The following SH2B3 variants were observed in gnomAD, a reference collection of about 807,000 sequenced individuals.
SH2B3 encodes SH2B adaptor protein 3, also known as SH2B adapter protein 3.
SH2B3 carries 43 observed loss-of-function variants against 51.9 expected under a neutral mutation model. That is an observed-to-expected ratio of 0.83 (90% CI 0.65 to 1.07). SH2B3 has a LOEUF of 1.07. Ranked by LOEUF, SH2B3 falls within the 50% of genes least tolerant of loss-of-function variation. The pLI is 0.00. For synonymous variants in SH2B3, 396 were observed against 376.0 expected (o/e 1.05, Z -0.62); for missense variants, 952 against 834.3 (o/e 1.14, Z -1.74).
chr12:111,420,367 CAAAAAAAAAAAA>C (rs59301682), intron 2 of SH2B3, among the ~76,000 whole-genome samples: 15 of 64,476 alleles, frequency 2.3e-4, no homozygotes, highest in Admixed American at 1.8e-4. Context: ...GACCCTGTCT[CAAAAAAAAAAAA>C]AAAAAAAAAA....
At chr12:111,411,964 AG>A (rs1369441686) in intron 1 of SH2B3, among the ~76,000 whole-genome samples, 1 of 152,034 alleles carries the variant, frequency 6.6e-6, no homozygotes, top group African/African-American at 2.4e-5. Flanking sequence ...CCTGGGTGCT[AG>A]GGCCCCTCTG....
chr12:111,438,793 G>A lies in SH2B3; in HGVS notation c.733-7960G>A, dbSNP rs1873126033. ...GGAGATGACACTTTGAAAAGCAGTC[G>A]TATTTGTGAAGCTGTGGGGGGAGCT... On this transcript the variant is annotated intron_variant, in intron 2 of 7. Coordinates refer to ENST00000341259, the MANE Select transcript of SH2B3 (RefSeq NM_005475.3). The surrounding 1 kb of genome is among the most constrained non-coding windows in gnomAD (Gnocchi z 4.2). Among the ~76,000 whole-genome samples, 1 of 152,178 alleles carries A rather than the reference G, an allele frequency of 6.6e-6. No individual in the cohort carries two copies. Among genetic ancestry groups the A allele is most frequent in the African/African-American group, 2.4e-5 (1 of 41,438 alleles).
chr12:111,442,519 G>T lies in SH2B3; in HGVS notation c.733-4234G>T, dbSNP rs544520248. 3.1e-4 allele frequency among the ~76,000 whole-genome samples: 47 copies of T among 152,312 alleles called. No homozygotes were observed. In the East Asian group the frequency reaches 7.0e-3, roughly 23 times the overall value. On this transcript the variant is annotated intron_variant, in intron 2 of 7. Transcript: ENST00000341259. Reference sequence around the variant, plus strand: ...GGCTCTGGGGAAGGTAAGACCACCAGGGAGCTAGTGTGGCCTGGGGGTTCC... The same window carrying T: ...GGCTCTGGGGAAGGTAAGACCACCATGGAGCTAGTGTGGCCTGGGGGTTCC...
At chr12:111,446,514 A>G (rs1433158295) in intron 2 of SH2B3, among the ~76,000 whole-genome samples, 2 of 152,156 alleles carry the variant, frequency 1.3e-5, no homozygotes, top group Non-Finnish European at 2.9e-5. Context: ...TCCAGGTCCA[A>G]TGGGCTGGGA....
chr12:111,418,726 A>G lies in SH2B3; in HGVS notation c.581A>G (p.Glu194Gly). 1 of 1,484,802 alleles carries G rather than the reference A, an allele frequency of 6.7e-7. No homozygotes were observed. The highest frequency in any genetic ancestry group is 8.9e-7 in the Non-Finnish European group (1 of 1,125,014). The allele number at this position is 1,484,802 out of a possible 1,614,324, so 92.0% of individuals were successfully genotyped here. ...AGCCTGGCCCGGGAGCCGCCACCCG[A>G]GGCGCTGAAGGAGGCGGTGCTGCGC... ...PWSLAREPPP[E>G]ALKEAVLRYS... Residue 194 changes from glutamate to glycine, a missense_variant, in exon 2 of 8, where the codon GAG (glutamate) becomes GGG (glycine). By Grantham distance (98) the Glu-to-Gly change is moderately conservative. Coordinates refer to ENST00000341259, the MANE Select transcript of SH2B3 (RefSeq NM_005475.3). This position sits in a 1 kb window ranked among gnomAD's most constrained non-coding sequence, Gnocchi z 6.7.
chr12:111,444,890 G>A, intron 2 of SH2B3: 1 of 985,660 alleles, frequency 1.0e-6, no homozygotes, highest in South Asian at 4.7e-5. Flanking sequence ...TCTGATACTT[G>A]GCAGGCTTGG....
rs899111445 is a variant in SH2B3, at chr12:111,418,836, G to C, written c.691G>C (p.Asp231His). Residue 231 changes from aspartate (D) to histidine (H), a missense_variant, in exon 2 of 8, where the codon GAT becomes CAT. Coordinates refer to ENST00000341259, the MANE Select transcript of SH2B3 (RefSeq NM_005475.3). This position sits in a 1 kb window ranked among gnomAD's most constrained non-coding sequence, Gnocchi z 6.7. ...RLALRRAPGPDGPDRVLELFD... is the reference protein window; with the variant it reads ...RLALRRAPGPHGPDRVLELFD... ...GGCGCTGCGCCGGGCCCCGGGCCCC[G>C]ATGGCCCCGACCGCGTGCTGGAGCT... The C allele has an allele frequency of 1.5e-5, 21 of 1,420,158 alleles. No homozygotes were observed. The highest frequency in any genetic ancestry group is 1.9e-5 in the Non-Finnish European group (21 of 1,101,094). The allele number at this position is 1,420,158 out of a possible 1,614,324, so 88.0% of individuals were successfully genotyped here.
intron 2 of SH2B3, among the ~76,000 whole-genome samples, chr12:111,436,903 C>T (rs1872927290): frequency 6.6e-6 from 1 of 151,900 alleles, no homozygotes; most frequent in South Asian, 2.1e-4. Context: ...ACTTCCCCCG[C>T]CCCCCTCCCG....
chr12:111,412,300 G>T (rs1870762415), intron 1 of SH2B3, among the ~76,000 whole-genome samples: 1 of 152,200 alleles, frequency 6.6e-6, no homozygotes, highest in South Asian at 2.1e-4. Flanking sequence ...AACCTCCCTG[G>T]TACAGTCCCT....
intron 2 of SH2B3, among the ~76,000 whole-genome samples, chr12:111,420,570 G>A (rs967225859): frequency 2.6e-5 from 4 of 152,104 alleles, no homozygotes; most frequent in African/African-American, 9.7e-5. Context: ...TTACTCTAGA[G>A]CATGAGCAAA....
intron 2 of SH2B3, among the ~76,000 whole-genome samples, chr12:111,436,198 G>A (rs1312442264): frequency 6.6e-6 from 1 of 152,208 alleles, no homozygotes; most frequent in Non-Finnish European, 1.5e-5. Flanking sequence ...TGCCCTGTGC[G>A]GAGGGCACAG....
chr12:111,432,709 T>C (rs1401943095), intron 2 of SH2B3, among the ~76,000 whole-genome samples: 1 of 152,222 alleles, frequency 6.6e-6, no homozygotes. Flanking sequence ...TCATCTCTTT[T>C]CTGTCTCCAG....
chr12:111,426,385 CTTTTTTTTT>C, intron 2 of SH2B3, among the ~76,000 whole-genome samples: 1 of 136,056 alleles, frequency 7.3e-6, no homozygotes, highest in African/African-American at 2.8e-5. Flanking sequence ...TTTCTTTTAT[CTTTTTTTTT>C]TTTTTTTTGT....
At position 111,418,466 on chromosome 12, in the gene SH2B3, C is replaced by T. The variant is rs1288299234; in HGVS notation, c.321C>T (p.Gly107=). ...AGGCCGAGGCGTCCCCGGAGCCAGGCCCCGGCCCCGCCGCCCCTGGCCTGC... is the reference window on the plus strand; with the variant it reads ...AGGCCGAGGCGTCCCCGGAGCCAGGTCCCGGCCCCGCCGCCCCTGGCCTGC... ...PAKAEASPEP[G]PGPAAPGLPK... Residue 107 remains glycine (G), a synonymous_variant, in exon 2 of 8, where the codon GGC becomes GGT. Coordinates refer to ENST00000341259, the MANE Select transcript of SH2B3 (RefSeq NM_005475.3). The surrounding 1 kb of genome is among the most constrained non-coding windows in gnomAD (Gnocchi z 6.7). 3 of 1,362,080 alleles carry T rather than the reference C, an allele frequency of 2.2e-6. No homozygotes were observed. Among genetic ancestry groups the T allele is most frequent in the East Asian group, 6.9e-5 (2 of 29,156 alleles). 84.4% of individuals were successfully genotyped at this position (1,362,080 alleles called of 1,614,324 possible).
chr12:111,439,620 C>T (rs1456970296), intron 2 of SH2B3, among the ~76,000 whole-genome samples: 1 of 152,198 alleles, frequency 6.6e-6, no homozygotes, highest in Non-Finnish European at 1.5e-5. Context: ...GCTCTGTTGT[C>T]GAGGCTGGAG....
At chr12:111,413,054 G>C (rs1368258466) in intron 1 of SH2B3, among the ~76,000 whole-genome samples, 3 of 152,132 alleles carry the variant, frequency 2.0e-5, no homozygotes, top group Non-Finnish European at 4.4e-5. Flanking sequence ...AGCCCTTCTT[G>C]TGTGCATTTA....
intron 1 of SH2B3, among the ~76,000 whole-genome samples, chr12:111,408,545 C>A (rs1209670393): frequency 6.6e-6 from 1 of 152,148 alleles, no homozygotes; most frequent in Non-Finnish European, 1.5e-5. Context: ...AGACATTCTC[C>A]ATATCCCAGG....
intron 2 of SH2B3, among the ~76,000 whole-genome samples, chr12:111,442,947 G>A (rs1329051193): frequency 6.6e-6 from 1 of 152,236 alleles, no homozygotes; most frequent in African/African-American, 2.4e-5. Flanking sequence ...CCCCACTCAA[G>A]CTGGTTATGA....
chr12:111,414,936 C>T (rs1439734211), intron 1 of SH2B3, among the ~76,000 whole-genome samples: 2 of 152,220 alleles, frequency 1.3e-5, no homozygotes, highest in African/African-American at 4.8e-5. Flanking sequence ...TTGAGTCAGG[C>T]ATCAGGAGCC....
Sources: allele counts gnomAD v4.1 joint callset (sites outside exome capture counted in the v4.1 genomes callset), GRCh38; gene constraint gnomAD v4.1.1; non-coding constraint Gnocchi (gnomAD v3.1); transcripts MANE v1.5; gene names NCBI Gene and HGNC (gene_info 2026-07-23, HGNC 2026-07-21).